PHF21B: variants seen among roughly 807,000 people sequenced by gnomAD.
PHF21B encodes the protein PHD finger protein 21B.
A neutral mutation model predicts 62.2 loss-of-function variants in PHF21B; 22 were observed. That is an observed-to-expected ratio of 0.35 (90% confidence interval 0.25 to 0.51). The LOEUF is 0.51. PHF21B is among the 20% of genes least tolerant of loss of function. PHF21B has a pLI of 0.97. For missense variants in PHF21B, 701 were observed against 707.9 expected (o/e 0.99, Z 0.11); for synonymous variants, 341 against 314.7 (o/e 1.08, Z -0.88).
At chr22:44,933,751 A>G (rs1217645431) in intron 2 of PHF21B, among the ~76,000 whole-genome samples, 1 of 151,582 alleles carries the variant, frequency 6.6e-6, no homozygotes, top group African/African-American at 2.4e-5. Context: ...ACAGACAGAC[A>G]GAGAGACAGA....
chr22:44,884,593 TCAA>T lies in PHF21B; in HGVS notation c.1377+830_1377+832del, dbSNP rs372267726. On this transcript the variant is annotated intron_variant, in intron 12 of 12. Transcript: ENST00000313237. ...ATCACCATCACTGTGATCAGCACCATCAACACCACCATCACCATAATCACCACC... is the reference window on the plus strand; with the variant it reads ...ATCACCATCACTGTGATCAGCACCATCACCACCATCACCATAATCACCACC... 3.6e-3 allele frequency among the ~76,000 whole-genome samples: 527 copies of T among 144,722 alleles called. 4 individuals carry two copies. Among genetic ancestry groups the T allele is most frequent in the African/African-American group, 0.013 (506 of 38,278 alleles). The allele number at this position is 144,722 out of a possible 152,430, so 94.9% of individuals were successfully genotyped here. A position where few individuals can be genotyped will look rare whatever the true frequency, so the allele number is the denominator to read the frequency against.
rs1277532649 is a variant in PHF21B at position 44,938,508 on chromosome 22, C to T, written c.121-18018G>A. The stretch of plus-strand genomic sequence containing the variant: ...TTGGCCTCCCAAAGTGCTGGGACTA[C>T]AGGCGTGAGCCACTGCGCCCAAAAA... On this transcript the variant is annotated intron_variant, in intron 2 of 12. Coordinates refer to ENST00000313237, the MANE Select transcript of PHF21B (RefSeq NM_138415.5). Among the ~76,000 whole-genome samples the T allele has an allele frequency of 3.9e-5, 6 of 152,260 alleles. No individual in the cohort carries two copies. In the East Asian group the frequency reaches 5.8e-4, roughly 15 times the overall value.
At chr22:44,938,585 G>C (rs1818776058) in intron 2 of PHF21B, among the ~76,000 whole-genome samples, 2 of 152,236 alleles carry the variant, frequency 1.3e-5, no homozygotes, top group Admixed American at 6.5e-5. Context: ...CTCATAGAAA[G>C]GCAGGGCCAA....
At chr22:44,934,841 T>C (rs1195646100) in intron 2 of PHF21B, among the ~76,000 whole-genome samples, 1 of 152,164 alleles carries the variant, frequency 6.6e-6, no homozygotes, top group Admixed American at 6.5e-5. Context: ...CCTCACTCTT[T>C]CCTGGTCTGG....
chr22:44,939,739 G>T (rs1196741361), intron 2 of PHF21B, among the ~76,000 whole-genome samples: 1 of 152,264 alleles, frequency 6.6e-6, no homozygotes, highest in East Asian at 1.9e-4. Context: ...GCCGAAGGCA[G>T]CAAAGGCCAC....
At chr22:45,008,003 G>C (rs1446414828) in intron 2 of PHF21B, 1 of 151,852 alleles carries the variant, frequency 6.6e-6, no homozygotes, top group African/African-American at 2.4e-5. Context: ...GAGCAGAACT[G>C]GGGAGTCCCG....
chr22:44,920,417 C>G lies in PHF21B; in HGVS notation c.194G>C (p.Gly65Ala). ...VSSLQRLAGQGAAVLPQVRPK... is the reference protein window; with the variant it reads ...VSSLQRLAGQAAAVLPQVRPK... ...GCTTACCTGAGGTAGCACTGCCGCT[C>G]CTTGCCCGGCCAACCTCTGCAAGGA... Residue 65 changes from glycine to alanine, a missense_variant, in exon 3 of 13, where the codon GGA becomes GCA. Transcript: ENST00000313237. 1 of 1,611,818 alleles carries G rather than the reference C, an allele frequency of 6.2e-7. No homozygotes were observed. Among genetic ancestry groups the G allele is most frequent in the Non-Finnish European group, 8.5e-7 (1 of 1,178,798 alleles).
intron 2 of PHF21B, among the ~76,000 whole-genome samples, chr22:44,940,835 G>A (rs2071942059): frequency 6.6e-6 from 1 of 152,220 alleles, no homozygotes; most frequent in Non-Finnish European, 1.5e-5. Flanking sequence ...GGGTGAGATG[G>A]ATACAGGGGA....
At chr22:44,985,287 G>A (rs577417926) in intron 2 of PHF21B, among the ~76,000 whole-genome samples, 98 of 152,236 alleles carry the variant, frequency 6.4e-4, no homozygotes, top group African/African-American at 2.2e-3. Flanking sequence ...TCAGAACAGA[G>A]AGGACTTTCA....
intron 2 of PHF21B, among the ~76,000 whole-genome samples, chr22:44,956,321 C>T (rs985824445): frequency 1.3e-5 from 2 of 152,272 alleles, no homozygotes; most frequent in South Asian, 2.1e-4. Flanking sequence ...GGCAGAGGCC[C>T]GACCCAGGGG....
rs560906049 is a variant in PHF21B, at chr22:44,950,352, T to C, written c.121-29862A>G. On this transcript the variant is annotated intron_variant, in intron 2 of 12. Transcript: ENST00000313237. ...GTCGTTTCATCAATTCATCTAGTTA[T>C]GGTGCTAGCCAAAAGAGGAATACGT... Among the ~76,000 whole-genome samples the C allele has an allele frequency of 5.3e-5, 8 of 152,358 alleles. No individual in the cohort carries two copies. In the South Asian group the frequency reaches 1.7e-3, roughly 32 times the overall value.
intron 2 of PHF21B, among the ~76,000 whole-genome samples, chr22:44,984,288 C>T (rs1348227194): frequency 8.6e-6 from 1 of 116,714 alleles, no homozygotes; most frequent in Non-Finnish European, 1.9e-5. Flanking sequence ...CCACCACCAT[C>T]ATCATCATCA....
intron 2 of PHF21B, among the ~76,000 whole-genome samples, chr22:44,956,743 C>T (rs2072305847): frequency 6.6e-6 from 1 of 152,146 alleles, no homozygotes; most frequent in South Asian, 2.1e-4. Context: ...TGGGCCCACC[C>T]AAGGCAGTGC....
chr22:44,953,998 C>T (rs2072244523), intron 2 of PHF21B, among the ~76,000 whole-genome samples: 1 of 152,200 alleles, frequency 6.6e-6, no homozygotes, highest in African/African-American at 2.4e-5. Flanking sequence ...ACCACCCCAC[C>T]GGGCTCTTCC....
intron 2 of PHF21B, among the ~76,000 whole-genome samples, chr22:44,927,523 G>A (rs1228155531): frequency 2.0e-5 from 3 of 151,686 alleles, no homozygotes; most frequent in African/African-American, 7.3e-5. Context: ...GGGCTGCCTT[G>A]CAGGGCCCCC....
In PHF21B at chr22:44,892,303, G is replaced by A. The variant is rs560822771; in HGVS notation, c.961-943C>T. The stretch of plus-strand genomic sequence containing the variant: ...GTATGAAACGGCCCACGTGGAGCAC[G>A]TTCTCAGAACAGGAGCGGGGCAGGC... On this transcript the variant is annotated intron_variant, in intron 7 of 12. Transcript: ENST00000313237. 1.3e-5 allele frequency among the ~76,000 whole-genome samples: 2 copies of A among 152,356 alleles called. 1 individual carries two copies. The highest frequency in any genetic ancestry group is 4.8e-5 in the African/African-American group (2 of 41,594).
intron 2 of PHF21B, among the ~76,000 whole-genome samples, chr22:44,976,492 G>A (rs2072740468): frequency 6.6e-6 from 1 of 152,146 alleles, no homozygotes; most frequent in Non-Finnish European, 1.5e-5. Flanking sequence ...TGGACTTCAT[G>A]CCATTTTAGA....
intron 5 of PHF21B, among the ~76,000 whole-genome samples, chr22:44,905,115 T>C (rs1432010037): frequency 6.6e-6 from 1 of 152,182 alleles, no homozygotes; most frequent in Non-Finnish European, 1.5e-5. Flanking sequence ...CCTGGGACAT[T>C]CTTCAGCTTT....
At chr22:44,983,052 G>A (rs1346326852) in intron 2 of PHF21B, among the ~76,000 whole-genome samples, 3 of 152,164 alleles carry the variant, frequency 2.0e-5, no homozygotes, top group Non-Finnish European at 2.9e-5. Flanking sequence ...GAGACCAGCC[G>A]GACCAACCCT....
Sources: allele counts gnomAD v4.1 joint callset (sites outside exome capture counted in the v4.1 genomes callset), GRCh38; gene constraint gnomAD v4.1.1; transcripts MANE v1.5; gene names NCBI Gene and HGNC (gene_info 2026-07-23, HGNC 2026-07-21).